RCAN2: variants seen among roughly 807,000 people sequenced by gnomAD.
RCAN2 encodes the protein regulator of calcineurin 2.
In RCAN2, 9 loss-of-function variants were observed where a neutral mutation model predicts 23.6. The observed-to-expected ratio is 0.38, with a 90% CI of 0.23 to 0.67. The LOEUF (loss-of-function observed/expected upper bound fraction) is 0.67. Ranked by LOEUF, RCAN2 falls within the 30% of genes least tolerant of loss-of-function variation. The pLI, the probability that RCAN2 is intolerant of heterozygous loss-of-function variation, is 0.51. For synonymous variants in RCAN2, 109 were observed against 115.7 expected (o/e 0.94, Z 0.37); for missense variants, 273 against 302.3 (o/e 0.90, Z 0.72).
chr6:46,485,376 T>C (rs1301172051), intron 1 of RCAN2, among the ~76,000 whole-genome samples: 1 of 152,192 alleles, frequency 6.6e-6, no homozygotes, highest in Non-Finnish European at 1.5e-5. Context: ...TATAAAAATA[T>C]GCATATAAAA....
chr6:46,446,529 A>G (rs559492152), intron 2 of RCAN2, among the ~76,000 whole-genome samples: 1 of 152,330 alleles, frequency 6.6e-6, no homozygotes, highest in East Asian at 1.9e-4. Context: ...ATTTGCTGGT[A>G]AAAATCAGTA....
At chr6:46,481,442 A>C (rs1393607724) in intron 1 of RCAN2, among the ~76,000 whole-genome samples, 1 of 152,232 alleles carries the variant, frequency 6.6e-6, no homozygotes, top group Non-Finnish European at 1.5e-5. Flanking sequence ...GAATTTCAAG[A>C]AATAGAGATG....
chr6:46,287,294 A>C lies in RCAN2; in HGVS notation c.226-38398T>G, dbSNP rs146702511. Among the ~76,000 whole-genome samples the C allele has an allele frequency of 5.4e-3, 826 of 152,262 alleles. 5 individuals carry two copies. The highest frequency in any genetic ancestry group is 0.018 in the African/African-American group (761 of 41,546). Reference sequence around the variant, plus strand: ...GTGGCAGAAATGGATTTTTGTTTAGACTTTCAAAGGAGAACTTGGTCTCCA... The same window carrying C: ...GTGGCAGAAATGGATTTTTGTTTAGCCTTTCAAAGGAGAACTTGGTCTCCA... On this transcript the variant is annotated intron_variant, in intron 2 of 4. Coordinates refer to ENST00000371374, the MANE Select transcript of RCAN2 (RefSeq NM_001251974.2).
At chr6:46,263,513 ATGTGTGTATG>A (rs1767200829) in intron 2 of RCAN2, among the ~76,000 whole-genome samples, 1 of 56,338 alleles carries the variant, frequency 1.8e-5, no homozygotes, top group African/African-American at 7.0e-5. Context: ...ATGTGTGTGT[ATGTGTGTATG>A]TGTGTGTGTG....
At chr6:46,415,879 T>C (rs1357656693) in intron 2 of RCAN2, among the ~76,000 whole-genome samples, 1 of 152,232 alleles carries the variant, frequency 6.6e-6, no homozygotes, top group Non-Finnish European at 1.5e-5. Context: ...AATCCATGGA[T>C]ACTTGAGTCT....
At chr6:46,452,554 A>G (rs1219319379) in intron 2 of RCAN2, among the ~76,000 whole-genome samples, 1 of 152,194 alleles carries the variant, frequency 6.6e-6, no homozygotes, top group African/African-American at 2.4e-5. Flanking sequence ...ATATAGGTAA[A>G]TTAAATTCTT....
chr6:46,379,536 C>T (rs1290982519), intron 2 of RCAN2, among the ~76,000 whole-genome samples: 2 of 152,088 alleles, frequency 1.3e-5, no homozygotes. Context: ...AATCCAGTTA[C>T]AATATGTTAG....
rs542727525 is a variant in RCAN2 at position 46,399,323 on chromosome 6, G to T, written c.225+57429C>A. Among the ~76,000 whole-genome samples the T allele has an allele frequency of 1.7e-3, 262 of 151,794 alleles. 2 individuals carry two copies. The highest frequency in any genetic ancestry group is 5.9e-3 in the African/African-American group (244 of 41,432). ...ATAAAAATATTTTAAATTAATAAAAGCTGCTTTGAATGGCTAATACACTTA... is the reference window on the plus strand; with the variant it reads ...ATAAAAATATTTTAAATTAATAAAATCTGCTTTGAATGGCTAATACACTTA... On this transcript the variant is annotated intron_variant, in intron 2 of 4. Coordinates refer to ENST00000371374, the MANE Select transcript of RCAN2 (RefSeq NM_001251974.2).
chr6:46,419,193 G>A (rs1317020000), intron 2 of RCAN2, among the ~76,000 whole-genome samples: 4 of 152,018 alleles, frequency 2.6e-5, no homozygotes, highest in African/African-American at 4.8e-5. Flanking sequence ...CAGCCACAGC[G>A]GGAGCATTTA....
At chr6:46,377,391 A>G (rs991799235) in intron 2 of RCAN2, among the ~76,000 whole-genome samples, 1 of 152,190 alleles carries the variant, frequency 6.6e-6, no homozygotes, top group South Asian at 2.1e-4. Flanking sequence ...TTTCCATGGC[A>G]CTTTCTTACG....
chr6:46,314,746 C>T (rs572088652), intron 2 of RCAN2, among the ~76,000 whole-genome samples: 7 of 152,240 alleles, frequency 4.6e-5, no homozygotes, highest in African/African-American at 1.7e-4. Flanking sequence ...CTCTCTTTTC[C>T]TTCATGGGCA....
intron 4 of RCAN2, among the ~76,000 whole-genome samples, chr6:46,228,395 A>G (rs1765754118): frequency 6.6e-6 from 1 of 152,020 alleles, no homozygotes; most frequent in Non-Finnish European, 1.5e-5. Flanking sequence ...TCTCATTATT[A>G]TTGTGTGGGA....
rs1030156716 is a variant in RCAN2, at chr6:46,308,666, C to A, written c.226-59770G>T. Reference sequence around the variant, plus strand: ...TATAAAGAATTATCTGGAGAAGACCCATATTTAGTCAGGAGAAGAAGACCT... The same window carrying A: ...TATAAAGAATTATCTGGAGAAGACCAATATTTAGTCAGGAGAAGAAGACCT... On this transcript the variant is annotated intron_variant, in intron 2 of 4. Transcript: ENST00000371374. 5.9e-5 allele frequency among the ~76,000 whole-genome samples: 9 copies of A among 152,208 alleles called. 1 individual carries two copies. The highest frequency in any genetic ancestry group is 1.3e-4 in the Non-Finnish European group (9 of 68,000).
chr6:46,377,918 C>T (rs181859273), intron 2 of RCAN2, among the ~76,000 whole-genome samples: 43 of 152,228 alleles, frequency 2.8e-4, no homozygotes, highest in Non-Finnish European at 5.0e-4. Flanking sequence ...AGATACAATG[C>T]CAGTGACCTA....
At chr6:46,338,870 C>T (rs1007714454) in intron 2 of RCAN2, among the ~76,000 whole-genome samples, 1 of 151,786 alleles carries the variant, frequency 6.6e-6, no homozygotes, top group Non-Finnish European at 1.5e-5. Context: ...AAAAAAATAG[C>T]CGGGTATGGT....
In RCAN2 at chr6:46,224,978, T is replaced by C. The variant is rs556436548; in HGVS notation, c.572-1677A>G. ...CCCCAGTGTGTGATGTTCCCCACCC[T>C]GTGTCCAAGTGTTCTCATTGTTCAA... On this transcript the variant is annotated intron_variant, in intron 4 of 4. Coordinates refer to ENST00000371374, the MANE Select transcript of RCAN2 (RefSeq NM_001251974.2). 4.9e-4 allele frequency among the ~76,000 whole-genome samples: 55 copies of C among 111,772 alleles called. 2 individuals are homozygous for C. The highest frequency in any genetic ancestry group is 1.9e-3 in the African/African-American group (55 of 28,704). The allele number at this position is 111,772 out of a possible 152,430, so 73.3% of individuals were successfully genotyped here. A position where few individuals can be genotyped will look rare whatever the true frequency, so the allele number is the denominator to read the frequency against.
chr6:46,443,296 C>T (rs1349465733), intron 2 of RCAN2, among the ~76,000 whole-genome samples: 2 of 152,072 alleles, frequency 1.3e-5, no homozygotes, highest in Admixed American at 1.3e-4. Context: ...TTTATTTTTA[C>T]AACATATATT....
intron 2 of RCAN2, chr6:46,325,683 G>C (rs1334490464): frequency 2.9e-6 from 4 of 1,368,106 alleles, no homozygotes; most frequent in Admixed American, 3.2e-5. Flanking sequence ...GAACGGCCCG[G>C]CTCGCTCATG....
intron 2 of RCAN2, among the ~76,000 whole-genome samples, chr6:46,268,302 A>C (rs1767408890): frequency 6.6e-6 from 1 of 152,212 alleles, no homozygotes; most frequent in South Asian, 2.1e-4. Context: ...TAACTCCACA[A>C]AATTGAACTT....
Sources: gnomAD v4.1 joint callset for allele counts (sites outside exome capture counted in the v4.1 genomes callset) on GRCh38, gnomAD v4.1.1 for gene constraint, MANE v1.5 for transcripts, NCBI Gene and HGNC (gene_info 2026-07-23, HGNC 2026-07-21) for gene names.